SCTR: variants seen among roughly 807,000 people sequenced by gnomAD.
SCTR encodes the protein secretin receptor, also known as pancreatic secretin receptor.
A neutral mutation model predicts 60.8 loss-of-function variants in SCTR; 56 were observed. The observed-to-expected ratio is 0.92, with a 90% CI of 0.74 to 1.15. The LOEUF is 1.15. SCTR is among the 50% of genes most tolerant of loss of function. The pLI is 0.00. For synonymous variants in SCTR, 202 were observed against 217.0 expected (o/e 0.93, Z 0.61); for missense variants, 562 against 550.4 (o/e 1.02, Z -0.21).
intron 7 of SCTR, among the ~76,000 whole-genome samples, chr2:119,457,628 G>A (rs1030364795): frequency 3.3e-5 from 5 of 152,052 alleles, no homozygotes; most frequent in African/African-American, 7.2e-5. Flanking sequence ...CAGGAGGATC[G>A]CTTGAGCCCA....
intron 9 of SCTR, among the ~76,000 whole-genome samples, chr2:119,450,068 G>T (rs1267736153): frequency 7.1e-6 from 1 of 141,022 alleles, no homozygotes; most frequent in African/African-American, 2.9e-5. Flanking sequence ...GAAAAAGAAA[G>T]AAAGAAAGAA....
Position 119,467,700 on chromosome 2 carries a change from A to T in SCTR, c.406-1814T>A, listed in dbSNP as rs180758284. On this transcript the variant is annotated intron_variant, in intron 4 of 12. Coordinates refer to ENST00000019103, the MANE Select transcript of SCTR (RefSeq NM_002980.3). ...TGTTTATCACAGAAGTATTAGTGAT[A>T]AAAAAAACCCAAATGTCCAACAATA... Among the ~76,000 whole-genome samples the T allele has an allele frequency of 1.1e-4, 14 of 132,180 alleles. No individual in the cohort carries two copies. In the East Asian group the frequency reaches 1.4e-3, roughly 13 times the overall value. The allele number at this position is 132,180 out of a possible 152,430, so 86.7% of individuals were successfully genotyped here.
intron 1 of SCTR, among the ~76,000 whole-genome samples, chr2:119,505,343 G>T: frequency 9.9e-6 from 1 of 101,050 alleles, no homozygotes. Context: ...GAGGGGGGAG[G>T]GATAACATTA....
At chr2:119,479,256 C>A (rs146160241) in intron 2 of SCTR, 2 of 1,049,304 alleles carry the variant, frequency 1.9e-6, no homozygotes, top group African/African-American at 1.7e-5. Flanking sequence ...GTTGGCCAAT[C>A]AGTTTGCATT....
At chr2:119,488,531 C>T (rs996765570) in intron 2 of SCTR, among the ~76,000 whole-genome samples, 1 of 152,220 alleles carries the variant, frequency 6.6e-6, no homozygotes, top group Non-Finnish European at 1.5e-5. Flanking sequence ...AGAAAGATGA[C>T]CGATTCTGCT....
chr2:119,473,578 T>C (rs1364302062), intron 3 of SCTR, 22 bp from the exon 4 acceptor site: 1 of 1,512,746 alleles, frequency 6.6e-7, no homozygotes, highest in Non-Finnish European at 9.2e-7. Context: ...AAGAGTCCTG[T>C]AGGTGAGCCA....
chr2:119,515,347 G>A (rs370933780), intron 1 of SCTR, among the ~76,000 whole-genome samples: 42 of 152,326 alleles, frequency 2.8e-4, no homozygotes, highest in Non-Finnish European at 4.6e-4. Flanking sequence ...TAAGCAAGAC[G>A]TGAGGATTGT....
intron 3 of SCTR, among the ~76,000 whole-genome samples, chr2:119,473,830 G>A (rs1244859105): frequency 6.6e-6 from 1 of 152,142 alleles, no homozygotes; most frequent in African/African-American, 2.4e-5. Context: ...CTGATCCCAG[G>A]CCCTGCCACC....
intron 2 of SCTR, among the ~76,000 whole-genome samples, chr2:119,487,983 A>G (rs906352609): frequency 2.0e-5 from 3 of 151,950 alleles, no homozygotes; most frequent in Non-Finnish European, 2.9e-5. Flanking sequence ...GGCCTTGGCC[A>G]TTTCTCCTCT....
At chr2:119,484,620 G>GTGGAATACTTTC (rs58961793) in intron 2 of SCTR, 131,826 of 151,646 alleles carry the variant, frequency 0.87, 57,410 homozygotes, top group African/African-American at 0.91. Flanking sequence ...TGTGGGTGCG[G>GTGGAATACTTTC]TGGAATACTT....
At chr2:119,465,487 T>A (rs564654399) in intron 5 of SCTR, among the ~76,000 whole-genome samples, 84 of 152,316 alleles carry the variant, frequency 5.5e-4, no homozygotes, top group Middle Eastern at 3.4e-3. Context: ...TGCAACAGAA[T>A]CTCGCTAGTA....
At chr2:119,504,865 A>G (rs1251863078) in intron 1 of SCTR, among the ~76,000 whole-genome samples, 2 of 152,232 alleles carry the variant, frequency 1.3e-5, no homozygotes, top group African/African-American at 4.8e-5. Flanking sequence ...AATGCTTGAA[A>G]CTCAACAGTA....
chr2:119,517,656 A>T (rs1487735305), intron 1 of SCTR, among the ~76,000 whole-genome samples: 4 of 152,112 alleles, frequency 2.6e-5, no homozygotes, highest in Non-Finnish European at 5.9e-5. Context: ...GCAGAGGGCT[A>T]TTTACTGCCT....
intron 1 of SCTR, among the ~76,000 whole-genome samples, chr2:119,508,049 T>C (rs1678807456): frequency 6.6e-6 from 1 of 152,180 alleles, no homozygotes. Flanking sequence ...AGGCAATTGG[T>C]TACCCACTTA....
chr2:119,498,593 T>C (rs928573730), intron 1 of SCTR, among the ~76,000 whole-genome samples: 1 of 152,098 alleles, frequency 6.6e-6, no homozygotes, highest in Non-Finnish European at 1.5e-5. Flanking sequence ...AAATGCGGGA[T>C]GATAAAGGGA....
intron 11 of SCTR, among the ~76,000 whole-genome samples, chr2:119,444,331 A>C (rs571290235): frequency 7.4e-6 from 1 of 134,284 alleles, no homozygotes; most frequent in South Asian, 2.1e-4. Flanking sequence ...ATACGTATGA[A>C]TATATATACA....
chr2:119,453,139 A>G (rs1683237610), intron 8 of SCTR, 148 bp downstream of exon 8: 8 of 656,332 alleles, frequency 1.2e-5, no homozygotes, highest in Admixed American at 1.2e-4. Flanking sequence ...ACACCTGGGA[A>G]GCAGTGAGCA....
chr2:119,495,253 G>A (rs2104903787), intron 1 of SCTR, among the ~76,000 whole-genome samples: 1 of 152,326 alleles, frequency 6.6e-6, no homozygotes. Flanking sequence ...TGTCCAGCCT[G>A]AAAACCTAGT....
In SCTR at chr2:119,478,792, C is replaced by G; in HGVS notation, c.301+19G>C. ...CACCCCTCAGCCTGTCCGCCAGGCC[C>G]CATGGGCCGAGTGGTTACCATTTCT... On this transcript the variant is annotated intron_variant, in intron 3 of 12. Coordinates refer to ENST00000019103, the MANE Select transcript of SCTR (RefSeq NM_002980.3). 1.2e-6 allele frequency: 2 copies of G among 1,613,450 alleles called. No individual in the cohort carries two copies. Among genetic ancestry groups the G allele is most frequent in the Non-Finnish European group, 1.7e-6 (2 of 1,179,532 alleles).
Sources: gnomAD v4.1 joint callset for allele counts (sites outside exome capture counted in the v4.1 genomes callset) on GRCh38, gnomAD v4.1.1 for gene constraint, MANE v1.5 for transcripts, NCBI Gene and HGNC (gene_info 2026-07-23, HGNC 2026-07-21) for gene names.